CHRM3: variants seen among roughly 807,000 people sequenced by gnomAD.
CHRM3 encodes the protein cholinergic receptor muscarinic 3.
Under a neutral mutation model 41.8 loss-of-function variants are expected in CHRM3, and 11 were observed. The observed-to-expected ratio is 0.26, with a 90% CI of 0.17 to 0.44. The LOEUF is 0.44. Among genes scored for constraint, CHRM3 ranks in the 20% least tolerant of loss-of-function variants. The pLI, the probability that CHRM3 is intolerant of heterozygous loss-of-function variation, is 1.00. For missense variants in CHRM3, 571 were observed against 745.4 expected, an observed-to-expected ratio of 0.77 and a Z score of 2.72; for synonymous variants, 297 against 301.4, an observed-to-expected ratio of 0.99 and a Z score of 0.15.
intron 1 of CHRM3, among the ~76,000 whole-genome samples, chr1:239,477,524 A>G (rs1256266431): frequency 6.6e-6 from 1 of 152,186 alleles, no homozygotes; most frequent in Non-Finnish European, 1.5e-5. Flanking sequence ...AGAGAAATGA[A>G]TCTGACATTG....
chr1:239,904,575 A>T (rs1466216213), intron 6 of CHRM3, among the ~76,000 whole-genome samples: 1 of 152,194 alleles, frequency 6.6e-6, no homozygotes, highest in Non-Finnish European at 1.5e-5. Context: ...AGAAATCCTG[A>T]ATGTAATTGT....
At chr1:239,751,464 T>A (rs1166001630) in intron 5 of CHRM3, among the ~76,000 whole-genome samples, 1 of 152,136 alleles carries the variant, frequency 6.6e-6, no homozygotes, top group Non-Finnish European at 1.5e-5. Flanking sequence ...GCAAAGTAAA[T>A]CTCTAATTTA....
At chr1:239,531,645 T>TA in intron 2 of CHRM3, among the ~76,000 whole-genome samples, 1 of 30,016 alleles carries the variant, frequency 3.3e-5, no homozygotes, top group Non-Finnish European at 1.0e-4. Context: ...ATGGATTTTT[T>TA]TTTTTTTTTT....
chr1:239,748,829 T>C lies in CHRM3; in HGVS notation c.-147+70541T>C, dbSNP rs1192334986. ...CTTGTATTTTATGTTAGCCCTTCTC[T>C]AGATTTATGCAGAGCAAGATAACTT... is the stretch of plus-strand genomic sequence containing the variant. On this transcript the variant is annotated intron_variant, in intron 5 of 6. Coordinates refer to ENST00000676153, the MANE Select transcript of CHRM3 (RefSeq NM_001375978.1). The surrounding 1 kb of genome is among the most constrained non-coding windows in gnomAD (Gnocchi z 4.3). Among the ~76,000 whole-genome samples, 1 of 152,232 alleles carries C rather than the reference T, an allele frequency of 6.6e-6. No individual in the cohort carries two copies. The highest frequency in any genetic ancestry group is 1.9e-4 in the East Asian group (1 of 5,194).
intron 1 of CHRM3, among the ~76,000 whole-genome samples, chr1:239,390,405 A>G (rs1222203856): frequency 6.6e-6 from 1 of 152,194 alleles, no homozygotes; most frequent in Non-Finnish European, 1.5e-5. Context: ...TCTAATGTAT[A>G]TGACAGGAGG....
intron 4 of CHRM3, among the ~76,000 whole-genome samples, chr1:239,667,349 C>T (rs973842166): frequency 7.2e-5 from 11 of 152,270 alleles, no homozygotes; most frequent in South Asian, 6.2e-4. Flanking sequence ...TCAGGTGAGA[C>T]GTCTGGTCCA....
intron 4 of CHRM3, among the ~76,000 whole-genome samples, chr1:239,675,296 T>C (rs1005766440): frequency 2.6e-5 from 4 of 152,340 alleles, no homozygotes; most frequent in Admixed American, 2.0e-4. Flanking sequence ...TATCCAAGCT[T>C]GTGCCCATTA....
chr1:239,651,639 AG>A (rs1216990882), intron 4 of CHRM3, among the ~76,000 whole-genome samples: 2 of 152,166 alleles, frequency 1.3e-5, no homozygotes, highest in Non-Finnish European at 2.9e-5. Flanking sequence ...GGGAGTGTAG[AG>A]AAGTTGGTAC....
chr1:239,693,300 G>A (rs1488028715), intron 5 of CHRM3, among the ~76,000 whole-genome samples: 1 of 152,096 alleles, frequency 6.6e-6, no homozygotes, highest in Non-Finnish European at 1.5e-5. Flanking sequence ...CAATGCAACT[G>A]TATTTGGAGA....
intron 1 of CHRM3, among the ~76,000 whole-genome samples, chr1:239,449,466 A>C (rs1664402755): frequency 6.6e-6 from 1 of 152,132 alleles, no homozygotes; most frequent in African/African-American, 2.4e-5. Flanking sequence ...TCATTGTATG[A>C]GCTTGTAGGA....
intron 4 of CHRM3, among the ~76,000 whole-genome samples, chr1:239,646,989 C>A (rs913510251): frequency 2.6e-5 from 4 of 152,098 alleles, no homozygotes; most frequent in Admixed American, 6.6e-5. Context: ...TCAGAAGACA[C>A]CACAAAGAAA....
intron 5 of CHRM3, among the ~76,000 whole-genome samples, chr1:239,686,928 A>G (rs969966096): frequency 1.3e-5 from 2 of 152,158 alleles, no homozygotes; most frequent in Admixed American, 6.6e-5. Flanking sequence ...TAAGATTTTA[A>G]TAGCTTTAAT....
chr1:239,403,877 G>C (rs1214920014), intron 1 of CHRM3, among the ~76,000 whole-genome samples: 1 of 145,954 alleles, frequency 6.9e-6, no homozygotes, highest in Admixed American at 7.1e-5. Flanking sequence ...TCTAAACACT[G>C]TACCTTAGAT....
In CHRM3 at chr1:239,910,206, A is replaced by C. The variant is rs1680281409; in HGVS notation, c.*982A>C. 6.0e-6 allele frequency: 1 copy of C among 166,930 alleles called. No individual in the cohort carries two copies. The highest frequency in any genetic ancestry group is 2.4e-5 in the African/African-American group (1 of 41,390). The allele number at this position is 166,930 out of a possible 1,614,324, so 10.3% of individuals were successfully genotyped here. A position where few individuals can be genotyped will look rare whatever the true frequency, so the allele number is the denominator to read the frequency against. On this transcript the variant is annotated 3_prime_UTR_variant, in exon 7 of 7. Coordinates refer to ENST00000676153, the MANE Select transcript of CHRM3 (RefSeq NM_001375978.1). ...GAATGAACCACATCCACACGTTTGA[A>C]TTTAATCATCTAAATCTGAATGTTT... is the stretch of plus-strand genomic sequence containing the variant.
intron 5 of CHRM3, chr1:239,718,798 C>A (rs1287494864): frequency 1.3e-5 from 2 of 151,894 alleles, no homozygotes; most frequent in Non-Finnish European, 2.9e-5. Context: ...AATTACAGAT[C>A]CTCATGAGCT....
rs1664919410 is a variant in CHRM3, at chr1:239,456,159, TA to T, written c.-520-36546del. Among the ~76,000 whole-genome samples the T allele has an allele frequency of 5.9e-5, 9 of 152,246 alleles. No homozygotes were observed. In the South Asian group the frequency reaches 1.9e-3, roughly 32 times the overall value. On this transcript the variant is annotated intron_variant, in intron 1 of 6. Coordinates refer to ENST00000676153, the MANE Select transcript of CHRM3 (RefSeq NM_001375978.1). The stretch of plus-strand genomic sequence containing the variant: ...AGAGGCCTGAAGGTCCTTTCCTTGA[TA>T]AAACAAATATAAATTTTAAGCCTTA...
intron 6 of CHRM3, among the ~76,000 whole-genome samples, chr1:239,827,732 T>G (rs1314728399): frequency 6.6e-6 from 1 of 152,134 alleles, no homozygotes; most frequent in Non-Finnish European, 1.5e-5. Flanking sequence ...AATTTAAAAA[T>G]CTTATAAATA....
At chr1:239,452,386 A>AG (rs1400274488) in intron 1 of CHRM3, among the ~76,000 whole-genome samples, 1 of 152,244 alleles carries the variant, frequency 6.6e-6, no homozygotes, top group South Asian at 2.1e-4. Flanking sequence ...AGACTGTATG[A>AG]GAAAAAGACC....
At position 239,641,957 on chromosome 1, in the gene CHRM3, C is replaced by T. The variant is rs1219734851; in HGVS notation, c.-250+9671C>T. On this transcript the variant is annotated intron_variant, in intron 4 of 6. Coordinates refer to ENST00000676153, the MANE Select transcript of CHRM3 (RefSeq NM_001375978.1). ...CCTTCAGGAGCTCTTTTAGGGCAGG[C>T]CTGGTGGTGACAAAATCTCTCAGCA... 2.0e-4 allele frequency among the ~76,000 whole-genome samples: 26 copies of T among 127,002 alleles called. 5 individuals are homozygous for T. The highest frequency in any genetic ancestry group is 7.1e-3 in the Middle Eastern group (2 of 282). 83.3% of individuals were successfully genotyped at this position (127,002 alleles called of 152,430 possible). A position where few individuals can be genotyped will look rare whatever the true frequency, so the allele number is the denominator to read the frequency against.
Sources: gnomAD v4.1 joint callset for allele counts (sites outside exome capture counted in the v4.1 genomes callset) on GRCh38, gnomAD v4.1.1 for gene constraint, Gnocchi (gnomAD v3.1) non-coding constraint, MANE v1.5 for transcripts, NCBI Gene and HGNC (gene_info 2026-07-23, HGNC 2026-07-21) for gene names.